Variants in ADCY8 observed in about 807,000 individuals in gnomAD.
ADCY8 encodes adenylate cyclase 8.
In ADCY8, 51 loss-of-function variants were observed where a neutral mutation model predicts 119.7. That is an observed-to-expected ratio of 0.43 (90% confidence interval 0.34 to 0.54). ADCY8 has a LOEUF of 0.54. Ranked by LOEUF, ADCY8 falls within the 20% of genes least tolerant of loss-of-function variation. The pLI, the probability that ADCY8 is intolerant of heterozygous loss-of-function variation, is 0.03. For missense variants in ADCY8, 1,383 were observed against 1,598.8 expected, an observed-to-expected ratio of 0.87 and a Z score of 2.30; for synonymous variants, 665 against 651.0, an observed-to-expected ratio of 1.02 and a Z score of -0.33.
intron 2 of ADCY8, among the ~76,000 whole-genome samples, chr8:130,968,986 C>T (rs1022000207): frequency 3.3e-5 from 5 of 152,096 alleles, no homozygotes; most frequent in African/African-American, 7.2e-5. Flanking sequence ...ACAGGAGTTT[C>T]GCTACTTCTA....
intron 8 of ADCY8, among the ~76,000 whole-genome samples, chr8:130,884,144 G>A (rs540233705): frequency 1.3e-5 from 2 of 152,264 alleles, no homozygotes; most frequent in East Asian, 3.9e-4. Context: ...AAGAAAGACA[G>A]TGTTTATCAC....
chr8:131,009,039 T>C (rs905269248), intron 1 of ADCY8, among the ~76,000 whole-genome samples: 10 of 152,116 alleles, frequency 6.6e-5, no homozygotes, highest in Admixed American at 5.2e-4. Flanking sequence ...GTTCACAAAA[T>C]TTGCAACGTG....
intron 7 of ADCY8, 81 bp from the exon 8 acceptor site, chr8:130,884,842 G>T: frequency 7.6e-7 from 1 of 1,319,098 alleles, no homozygotes; most frequent in Non-Finnish European, 1.1e-6. Flanking sequence ...TTTAAATCAT[G>T]TTGCATTGCA....
intron 1 of ADCY8, among the ~76,000 whole-genome samples, chr8:131,021,047 T>G (rs546637115): frequency 1.3e-5 from 2 of 152,196 alleles, no homozygotes; most frequent in Non-Finnish European, 2.9e-5. Context: ...AAGTATAAGA[T>G]AGAAGAATTG....
At chr8:130,977,066 C>T (rs747390587) in intron 2 of ADCY8, among the ~76,000 whole-genome samples, 5 of 152,146 alleles carry the variant, frequency 3.3e-5, no homozygotes, top group African/African-American at 1.2e-4. Flanking sequence ...GCCAGTGCTC[C>T]GAAACAGAAA....
intron 1 of ADCY8, among the ~76,000 whole-genome samples, chr8:130,997,706 T>A (rs1010636733): frequency 1.3e-5 from 2 of 152,220 alleles, no homozygotes; most frequent in African/African-American, 4.8e-5. Flanking sequence ...GTTCAATTAT[T>A]ACTATTATTA....
intron 1 of ADCY8, among the ~76,000 whole-genome samples, chr8:131,035,325 T>A (rs576078623): frequency 6.6e-6 from 1 of 152,292 alleles, no homozygotes; most frequent in South Asian, 2.1e-4. Context: ...TTCTGAAAGT[T>A]TCTCGGTCTT....
intron 2 of ADCY8, among the ~76,000 whole-genome samples, chr8:130,980,785 C>T (rs1043666979): frequency 2.0e-5 from 3 of 152,140 alleles, no homozygotes; most frequent in South Asian, 2.1e-4. Flanking sequence ...TTCCAATGGC[C>T]GATCAAGAGT....
At chr8:130,931,279 G>A (rs1291422339) in intron 5 of ADCY8, among the ~76,000 whole-genome samples, 1 of 152,158 alleles carries the variant, frequency 6.6e-6, no homozygotes, top group Non-Finnish European at 1.5e-5. Flanking sequence ...CTCCTAGCCT[G>A]TAAGGTTTCT....
chr8:130,827,971 T>C (rs1004296168), intron 12 of ADCY8, among the ~76,000 whole-genome samples: 8 of 152,178 alleles, frequency 5.3e-5, no homozygotes, highest in African/African-American at 1.9e-4. Context: ...TTACTGGGCA[T>C]GTTGGCTGTG....
At chr8:130,978,317 G>C (rs1822135710) in intron 2 of ADCY8, among the ~76,000 whole-genome samples, 5 of 152,124 alleles carry the variant, frequency 3.3e-5, no homozygotes, top group Admixed American at 3.3e-4. Flanking sequence ...TGCAAATTCA[G>C]TTGGACAGTG....
intron 1 of ADCY8, among the ~76,000 whole-genome samples, chr8:131,032,554 C>T (rs544221744): frequency 6.6e-6 from 1 of 152,194 alleles, no homozygotes; most frequent in Non-Finnish European, 1.5e-5. Context: ...GTGGCATTTG[C>T]TGGTAGGTGG....
intron 3 of ADCY8, 35 bp from the exon 4 acceptor site, chr8:130,943,497 G>GGGGGGGGGCCCCCCCCC: frequency 2.0e-6 from 1 of 491,350 alleles, no homozygotes; most frequent in Non-Finnish European, 4.2e-6. Flanking sequence ...GTGGGGGGAG[G>GGGGGGGGGCCCCCCCCC]AAGTATATTA....
chr8:130,876,764 AC>A (rs1170644456), intron 8 of ADCY8, among the ~76,000 whole-genome samples: 3 of 152,062 alleles, frequency 2.0e-5, no homozygotes, highest in Non-Finnish European at 2.9e-5. Flanking sequence ...CATGGTTTTA[AC>A]TTTTTTTTGG....
chr8:130,917,642 A>G (rs1216751782), intron 5 of ADCY8, among the ~76,000 whole-genome samples: 1 of 152,160 alleles, frequency 6.6e-6, no homozygotes, highest in Non-Finnish European at 1.5e-5. Flanking sequence ...GCTGTGCGCC[A>G]AGTCAGCATT....
At chr8:130,848,920 G>A (rs556499413) in intron 10 of ADCY8, among the ~76,000 whole-genome samples, 17 of 152,280 alleles carry the variant, frequency 1.1e-4, no homozygotes, top group Admixed American at 2.6e-4. Context: ...TATGTGTCAC[G>A]TGAAATACAA....
At chr8:130,849,898 G>A (rs1374319159) in intron 9 of ADCY8, 95 bp from the exon 10 acceptor site, 12 of 1,006,468 alleles carry the variant, frequency 1.2e-5, no homozygotes, top group African/African-American at 9.4e-5. Flanking sequence ...CCCTTGCATC[G>A]GATACTTCTT....
chr8:130,903,855 C>CTCCGTGAG lies in ADCY8; in HGVS notation c.1827_1828insCTCACGGA (p.Asp610LeufsTer36). 1 of 1,614,008 alleles carries CTCCGTGAG rather than the reference C, an allele frequency of 6.2e-7. No homozygotes were observed. The highest frequency in any genetic ancestry group is 8.5e-7 in the Non-Finnish European group (1 of 1,179,992). ...AATGTGGCCCCACTGTTTCTCCGGT[C>CTCCGTGAG]TGAGGAGCTCACTGACTCCTTGACG... On this transcript the variant is annotated frameshift_variant, in exon 7 of 18. Coordinates refer to ENST00000286355, the MANE Select transcript of ADCY8 (RefSeq NM_001115.3). LOFTEE classifies it high-confidence loss of function.
chr8:130,930,410 C>T (rs1456007383), intron 5 of ADCY8, among the ~76,000 whole-genome samples: 4 of 152,036 alleles, frequency 2.6e-5, no homozygotes, highest in African/African-American at 7.3e-5. Flanking sequence ...TGCCACGAAG[C>T]CTGGCTAATT....
Sources: allele counts gnomAD v4.1 joint callset (sites outside exome capture counted in the v4.1 genomes callset), GRCh38; gene constraint gnomAD v4.1.1; transcripts MANE v1.5; gene names NCBI Gene and HGNC (gene_info 2026-07-23, HGNC 2026-07-21).